ANKRD37: variants seen among roughly 807,000 people sequenced by gnomAD.
The protein encoded by ANKRD37 is ankyrin repeat domain-containing protein 37.
In ANKRD37, 17 loss-of-function variants were observed where a neutral mutation model predicts 19.7. That is an observed-to-expected ratio of 0.86 (90% CI 0.59 to 1.29). The LOEUF (loss-of-function observed/expected upper bound fraction) is 1.29. ANKRD37 is among the 50% of genes most tolerant of loss of function. The probability of loss-of-function intolerance (pLI) is 0.00; values close to 1 mark genes in which losing one functional copy is unlikely to be tolerated. For synonymous variants in ANKRD37, 79 were observed against 74.5 expected (o/e 1.06, Z -0.31); for missense variants, 207 against 190.4 (o/e 1.09, Z -0.51).
downstream of ANKRD37, chr4:185,400,499 A>G: frequency 6.3e-7 from 1 of 1,582,200 alleles, no homozygotes. Context: ...AAGACGGGAA[A>G]GGAAAGCCTT....
At position 185,396,959 on chromosome 4, in the gene ANKRD37, C is replaced by T; in HGVS notation, c.27+9C>T. The T allele has an allele frequency of 6.2e-7, 1 of 1,613,454 alleles. No individual in the cohort carries two copies. Among genetic ancestry groups the T allele is most frequent in the Non-Finnish European group, 8.5e-7 (1 of 1,180,024 alleles). On this transcript the variant is annotated intron_variant, in intron 1 of 4. Coordinates refer to ENST00000335174, the MANE Select transcript of ANKRD37 (RefSeq NM_181726.4). ...TGGATTGCAACCCCGAGGTGAGATT[C>T]GGGCTCACAGAGCCCGAGCTTTTGT...
Position 185,397,459 on chromosome 4 carries a change from GT to G in ANKRD37, c.180+164del, listed in dbSNP as rs1561101705. 1.5e-5 allele frequency: 16 copies of G among 1,061,222 alleles called. No individual in the cohort carries two copies. The South Asian group carries it at 2.2e-4, about 15-fold the overall frequency. 65.7% of individuals were successfully genotyped at this position (1,061,222 alleles called of 1,614,324 possible). A position where few individuals can be genotyped will look rare whatever the true frequency, so the allele number is the denominator to read the frequency against. On this transcript the variant is annotated intron_variant, in intron 2 of 4. Coordinates refer to ENST00000335174, the MANE Select transcript of ANKRD37 (RefSeq NM_181726.4). ...TGCAAGACACAGATGTAATTTAAGA[GT>G]TTTTTTCCAGTCTTGATGTGAGGAC...
Position 185,400,075 on chromosome 4 carries a change from G to T in ANKRD37, c.*58G>T. ...GCCTTCATTTCATGCAAATCTATAAGCTCCTGCTTTTGGCTTTACCATATG... is the reference window on the plus strand; with the variant it reads ...GCCTTCATTTCATGCAAATCTATAATCTCCTGCTTTTGGCTTTACCATATG... On this transcript the variant is annotated 3_prime_UTR_variant, in exon 5 of 5. Coordinates refer to ENST00000335174, the MANE Select transcript of ANKRD37 (RefSeq NM_181726.4). 1 of 1,473,654 alleles carries T rather than the reference G, an allele frequency of 6.8e-7. No homozygotes were observed. 91.3% of individuals were successfully genotyped at this position (1,473,654 alleles called of 1,614,324 possible).
downstream of ANKRD37, chr4:185,400,384 A>T (rs895527709): frequency 2.5e-6 from 4 of 1,605,894 alleles, no homozygotes; most frequent in Non-Finnish European, 3.4e-6. Context: ...CTTTGACTCC[A>T]AGATATTTTA....
rs527587882 is a variant in ANKRD37 at position 185,400,060 on chromosome 4, CA to C, written c.*44del. 1,634 of 1,526,478 alleles carry C rather than the reference CA, an allele frequency of 1.1e-3. 13 individuals are homozygous for C. In the African/African-American group the frequency reaches 0.018, roughly 17 times the overall value. The allele number at this position is 1,526,478 out of a possible 1,614,324, so 94.6% of individuals were successfully genotyped here. A position where few individuals can be genotyped will look rare whatever the true frequency, so the allele number is the denominator to read the frequency against. On this transcript the variant is annotated 3_prime_UTR_variant, in exon 5 of 5. Transcript: ENST00000335174. ...AGAAGTCTGAAGAACGCCTTCATTT[CA>C]TGCAAATCTATAAGCTCCTGCTTTT...
At position 185,397,183 on chromosome 4, in the gene ANKRD37, G is replaced by A. The variant is rs1462543464; in HGVS notation, c.61G>A (p.Ala21Thr). The change falls in exon 2 of 5, where the codon GCC becomes ACC. Residue 21 changes from alanine to threonine, a missense_variant. Physicochemically the swap from Ala to Thr is moderately conservative, Grantham distance 58 (BLOSUM62 0). Coordinates refer to ENST00000335174, the MANE Select transcript of ANKRD37 (RefSeq NM_181726.4). Reference sequence around the variant, plus strand: ...TCTGAAGCATTTGCTGGAGACAGGGGCCTCGGTCAACGCACCCCCGGATCC... The same window carrying A: ...TCTGAAGCATTTGCTGGAGACAGGGACCTCGGTCAACGCACCCCCGGATCC... ...DGLKHLLETGASVNAPPDPCK... is the reference protein window; with the variant it reads ...DGLKHLLETGTSVNAPPDPCK... 18 of 1,613,626 alleles carry A rather than the reference G, an allele frequency of 1.1e-5. No individual in the cohort carries two copies. The highest frequency in any genetic ancestry group is 1.4e-5 in the Non-Finnish European group (16 of 1,180,012).
chr4:185,397,007 T>A, intron 1 of ANKRD37, 57 bp downstream of exon 1: 1 of 1,611,512 alleles, frequency 6.2e-7, no homozygotes. Context: ...AGCTTCTAGA[T>A]TCGTCTTCTC....
chr4:185,397,440 A>G (rs1580034782), intron 2 of ANKRD37, 138 bp downstream of exon 2: 2 of 1,171,628 alleles, frequency 1.7e-6, no homozygotes, highest in Non-Finnish European at 2.3e-6. Context: ...ATAATGCAAG[A>G]CACAGATGTA....
Position 185,397,182 on chromosome 4 carries a change from G to C in ANKRD37, c.60G>C (p.Gly20=), listed in dbSNP as rs1278673706. ...VDGLKHLLET[G]ASVNAPPDPC... ...GTCTGAAGCATTTGCTGGAGACAGG[G>C]GCCTCGGTCAACGCACCCCCGGATC... The change falls in exon 2 of 5, where the codon GGG becomes GGC. Residue 20 remains glycine, a synonymous_variant. Coordinates refer to ENST00000335174, the MANE Select transcript of ANKRD37 (RefSeq NM_181726.4). The C allele has an allele frequency of 6.2e-7, 1 of 1,613,730 alleles. No homozygotes were observed. Among genetic ancestry groups the C allele is most frequent in the Admixed American group, 1.7e-5 (1 of 60,018 alleles).
chr4:185,399,086 C>T, intron 3 of ANKRD37, 58 bp downstream of exon 3: 2 of 1,386,664 alleles, frequency 1.4e-6, no homozygotes, highest in Non-Finnish European at 2.0e-6. Flanking sequence ...ACTAATCAGA[C>T]TCCTGAAGCT....
At chr4:185,400,340 T>A, downstream of ANKRD37, 1 of 1,379,214 alleles carries the variant, frequency 7.3e-7, no homozygotes, top group South Asian at 1.2e-5. Context: ...ACTGATTCTT[T>A]ATTCACAAAT....
intron 4 of ANKRD37, 113 bp from the exon 5 acceptor site, chr4:185,399,904 C>G: frequency 6.5e-7 from 1 of 1,538,982 alleles, no homozygotes; most frequent in Non-Finnish European, 8.7e-7. Context: ...CATTTTAGTA[C>G]TGGTTATACT....
intron 2 of ANKRD37, among the ~76,000 whole-genome samples, chr4:185,398,633 A>G (rs2095508915): frequency 6.6e-6 from 1 of 152,154 alleles, no homozygotes; most frequent in Non-Finnish European, 1.5e-5. Context: ...AGTGTTTTTA[A>G]TTAGAAGAGA....
chr4:185,397,819 A>G (rs2095507178), intron 2 of ANKRD37: 1 of 152,466 alleles, frequency 6.6e-6, no homozygotes, highest in African/African-American at 2.4e-5. Context: ...GTCCACAAGC[A>G]TTCTAATTTC....
At chr4:185,398,550 C>G (rs1233061856) in intron 2 of ANKRD37, among the ~76,000 whole-genome samples, 1 of 152,106 alleles carries the variant, frequency 6.6e-6, no homozygotes, top group Non-Finnish European at 1.5e-5. Flanking sequence ...TGCTAGAATG[C>G]TGAAGTTATA....
chr4:185,400,169 T>A lies in ANKRD37; in HGVS notation c.*152T>A. 1.3e-6 allele frequency: 1 copy of A among 752,812 alleles called. No individual in the cohort carries two copies. The highest frequency in any genetic ancestry group is 2.1e-6 in the Non-Finnish European group (1 of 466,992). The allele number at this position is 752,812 out of a possible 1,614,324, so 46.6% of individuals were successfully genotyped here. A position where few individuals can be genotyped will look rare whatever the true frequency, so the allele number is the denominator to read the frequency against. The stretch of plus-strand genomic sequence containing the variant: ...AAGTGAAGATCCATTTAAGAACACA[T>A]GTATTTACATGCCTATAATATGCTG... On this transcript the variant is annotated 3_prime_UTR_variant, in exon 5 of 5. Transcript: ENST00000335174.
intron 4 of ANKRD37, 80 bp from the exon 5 acceptor site, chr4:185,399,937 A>G: frequency 6.4e-7 from 1 of 1,559,604 alleles, no homozygotes; most frequent in Non-Finnish European, 8.6e-7. Flanking sequence ...GAGACCAAAA[A>G]TGGGACTGCA....
chr4:185,397,301 A>G lies in ANKRD37; in HGVS notation c.179A>G (p.Gln60Arg), dbSNP rs777430349. Reference protein sequence around the residue: ...QLQTGADLNQQDVLGEAPLHK... With the variant: ...QLQTGADLNQRDVLGEAPLHK... ...CAAACGGGCGCTGACCTCAACCAGC[A>G]GGTAACTAGGTAACTGTTGCTGTGT... The change falls in exon 2 of 5, where the codon CAG becomes CGG. Residue 60 changes from glutamine (Q) to arginine (R), a missense_variant and splice_region_variant. By Grantham distance (43) the Gln-to-Arg change is conservative (BLOSUM62 1). Coordinates refer to ENST00000335174, the MANE Select transcript of ANKRD37 (RefSeq NM_181726.4). 5.0e-6 allele frequency: 8 copies of G among 1,613,660 alleles called. No homozygotes were observed. Among genetic ancestry groups the G allele is most frequent in the Non-Finnish European group, 6.8e-6 (8 of 1,179,888 alleles).
rs1208008589 is a variant in ANKRD37 at position 185,400,122 on chromosome 4, G to A, written c.*105G>A. On this transcript the variant is annotated 3_prime_UTR_variant, in exon 5 of 5. Coordinates refer to ENST00000335174, the MANE Select transcript of ANKRD37 (RefSeq NM_181726.4). ...TATGTTGTGTCTAATCTCCTTCTGA[G>A]AAGGACGAAAAACTTTCTTCCAAGT... 7.1e-6 allele frequency: 8 copies of A among 1,119,524 alleles called. No individual in the cohort carries two copies. In the Admixed American group the frequency reaches 1.9e-4, roughly 27 times the overall value. The allele number at this position is 1,119,524 out of a possible 1,614,324, so 69.3% of individuals were successfully genotyped here.
Sources: allele counts gnomAD v4.1 joint callset (sites outside exome capture counted in the v4.1 genomes callset), GRCh38; gene constraint gnomAD v4.1.1; transcripts MANE v1.5; gene names NCBI Gene and HGNC (gene_info 2026-07-23, HGNC 2026-07-21).